The following KIF13B variants were observed in gnomAD, a reference collection of about 807,000 sequenced individuals.
KIF13B encodes kinesin-like protein KIF13B.
KIF13B carries 127 observed loss-of-function variants against 222.0 expected under a neutral mutation model. The observed-to-expected ratio is 0.57, with a 90% CI of 0.50 to 0.66. The LOEUF is 0.66. Ranked by LOEUF, KIF13B falls within the 30% of genes least tolerant of loss-of-function variation. The pLI is 0.00. For synonymous variants in KIF13B, 976 were observed against 919.0 expected (o/e 1.06, Z -1.12); for missense variants, 2,173 against 2,379.0 (o/e 0.91, Z 1.80).
At chr8:29,072,593 G>A (rs1807351022) in intron 38 of KIF13B, among the ~76,000 whole-genome samples, 2 of 152,170 alleles carry the variant, frequency 1.3e-5, no homozygotes, top group Non-Finnish European at 2.9e-5. Flanking sequence ...TGCCACTTAG[G>A]GCTGCATGGC....
At chr8:29,089,963 C>G (rs1423543923) in intron 37 of KIF13B, among the ~76,000 whole-genome samples, 3 of 151,694 alleles carry the variant, frequency 2.0e-5, no homozygotes, top group African/African-American at 7.3e-5. Context: ...TGTGGCTGTT[C>G]AACAAAGCCC....
intron 22 of KIF13B, among the ~76,000 whole-genome samples, chr8:29,133,255 TTG>T (rs1563728679): frequency 6.6e-6 from 1 of 152,158 alleles, no homozygotes; most frequent in African/African-American, 2.4e-5. Context: ...TCTGATTTGT[TTG>T]TGTTTTCAGC....
chr8:29,140,392 C>A, intron 20 of KIF13B, 76 bp downstream of exon 20: 1 of 1,491,230 alleles, frequency 6.7e-7, no homozygotes, highest in Non-Finnish European at 9.1e-7. Context: ...CAAAAAATAG[C>A]AACAATATCC....
intron 1 of KIF13B, among the ~76,000 whole-genome samples, chr8:29,250,597 G>A (rs981852649): frequency 6.6e-6 from 1 of 152,178 alleles, no homozygotes; most frequent in African/African-American, 2.4e-5. Flanking sequence ...CCTTTAATAT[G>A]TAAACAACCA....
intron 36 of KIF13B, among the ~76,000 whole-genome samples, chr8:29,096,344 G>C (rs1402573182): frequency 1.6e-5 from 2 of 128,652 alleles, no homozygotes; most frequent in Non-Finnish European, 3.1e-5. Flanking sequence ...CTGTCGCCTA[G>C]ACCTGAGTAC....
intron 10 of KIF13B, among the ~76,000 whole-genome samples, chr8:29,173,535 T>C (rs1394820602): frequency 1.3e-5 from 2 of 150,002 alleles, no homozygotes; most frequent in East Asian, 2.0e-4. Context: ...TGTGGGAGGA[T>C]CACTTGAGTC....
chr8:29,118,174 A>C (rs775436143), intron 30 of KIF13B, among the ~76,000 whole-genome samples: 14 of 149,762 alleles, frequency 9.3e-5, no homozygotes, highest in Non-Finnish European at 1.6e-4. Flanking sequence ...AAAAAAATTA[A>C]AAAGTCCTTA....
In KIF13B at chr8:29,109,646, A is replaced by G; in HGVS notation, c.4084-135T>C. ...ATTTAAACAATGCTGTTACGTGATTATTACGTACTGCATGCCTGTATCAAA... is the reference window on the plus strand; with the variant it reads ...ATTTAAACAATGCTGTTACGTGATTGTTACGTACTGCATGCCTGTATCAAA... On this transcript the variant is annotated intron_variant, in intron 33 of 39. Coordinates refer to ENST00000524189, the MANE Select transcript of KIF13B (RefSeq NM_015254.4). The G allele has an allele frequency of 2.5e-6, 2 of 790,324 alleles. 1 individual carries two copies. The highest frequency in any genetic ancestry group is 3.1e-5 in the South Asian group (2 of 64,712). The allele number at this position is 790,324 out of a possible 1,614,324, so 49.0% of individuals were successfully genotyped here.
intron 3 of KIF13B, 21 bp from the exon 4 acceptor site, chr8:29,191,078 T>A: frequency 6.3e-7 from 1 of 1,586,962 alleles, no homozygotes; most frequent in Non-Finnish European, 8.6e-7. Flanking sequence ...TGAACATAAG[T>A]GTGTGTTAAG....
At chr8:29,145,461 T>A (rs931760247) in intron 18 of KIF13B, among the ~76,000 whole-genome samples, 4 of 151,900 alleles carry the variant, frequency 2.6e-5, no homozygotes, top group African/African-American at 9.7e-5. Flanking sequence ...CAAAACCCCA[T>A]CTCTACTAAA....
At chr8:29,128,724 T>C (rs900466274) in intron 24 of KIF13B, among the ~76,000 whole-genome samples, 14 of 152,194 alleles carry the variant, frequency 9.2e-5, no homozygotes, top group African/African-American at 3.4e-4. Flanking sequence ...TGGTTTACTG[T>C]TCCACAGAAA....
At chr8:29,183,229 G>A (rs1241791567) in intron 6 of KIF13B, among the ~76,000 whole-genome samples, 2 of 124,360 alleles carry the variant, frequency 1.6e-5, no homozygotes, top group African/African-American at 6.3e-5. Flanking sequence ...TCAGCTCACT[G>A]TAACCTCCGC....
At chr8:29,082,152 T>C (rs1174925696) in intron 37 of KIF13B, among the ~76,000 whole-genome samples, 1 of 152,216 alleles carries the variant, frequency 6.6e-6, no homozygotes, top group Non-Finnish European at 1.5e-5. Context: ...CCTGTGCTCC[T>C]CAAAACTAGG....
At chr8:29,190,168 T>TG (rs548511588) in intron 4 of KIF13B, 37 of 152,322 alleles carry the variant, frequency 2.4e-4, no homozygotes, top group African/African-American at 8.9e-4. Context: ...CATCTGATTG[T>TG]GGGTCAAGAG....
Position 29,099,218 on chromosome 8 carries a change from A to G in KIF13B, c.4239T>C (p.Asp1413=). The change falls in exon 36 of 40, where the codon GAT becomes GAC. Residue 1413 remains aspartate (D), a synonymous_variant. Transcript: ENST00000524189. ...CTCTGGAAACTGTGGTTTGGGATAC[A>G]TCCTGCTGACTTTCCCACCGGCCCT... ...SNKGRWESQQ[D]VSQTTVSRGI... 1 of 1,612,912 alleles carries G rather than the reference A, an allele frequency of 6.2e-7. No individual in the cohort carries two copies. Among genetic ancestry groups the G allele is most frequent in the East Asian group, 2.2e-5 (1 of 44,816 alleles).
intron 2 of KIF13B, among the ~76,000 whole-genome samples, chr8:29,218,056 A>G (rs1381468111): frequency 2.6e-5 from 4 of 152,244 alleles, no homozygotes; most frequent in African/African-American, 9.6e-5. Flanking sequence ...GTCTAGGGAC[A>G]TATAAGCACC....
chr8:29,258,109 T>C (rs929032229), intron 1 of KIF13B, among the ~76,000 whole-genome samples: 1 of 152,178 alleles, frequency 6.6e-6, no homozygotes, highest in African/African-American at 2.4e-5. Flanking sequence ...GTCAGTGATC[T>C]CTCTGAGAAT....
chr8:29,109,927 A>G lies in KIF13B; in HGVS notation c.4074T>C (p.Arg1358=), dbSNP rs1186612821. 2.3e-5 allele frequency: 37 copies of G among 1,613,546 alleles called. No individual in the cohort carries two copies. The highest frequency in any genetic ancestry group is 3.1e-5 in the Non-Finnish European group (37 of 1,179,792). The change falls in exon 33 of 40, where the codon CGT becomes CGC. Residue 1358 remains arginine (R), a synonymous_variant. Transcript: ENST00000524189. ...LAVENLLTLD[R]LRQEVAVKEQ... Reference sequence around the variant, plus strand: ...CATGCGGTTGGCTAACCTGGCGCAGACGATCTAAAGTCAGGAGGTTTTCTA... The same window carrying G: ...CATGCGGTTGGCTAACCTGGCGCAGGCGATCTAAAGTCAGGAGGTTTTCTA...
At chr8:29,079,759 G>C (rs879833099) in intron 37 of KIF13B, among the ~76,000 whole-genome samples, 15 of 152,116 alleles carry the variant, frequency 9.9e-5, no homozygotes, top group Admixed American at 5.9e-4. Flanking sequence ...CTGAATTTCA[G>C]AAATTCTTAA....
Sources: allele counts gnomAD v4.1 joint callset (sites outside exome capture counted in the v4.1 genomes callset), GRCh38; gene constraint gnomAD v4.1.1; transcripts MANE v1.5; gene names NCBI Gene and HGNC (gene_info 2026-07-23, HGNC 2026-07-21).